NRP1: variants seen among roughly 807,000 people sequenced by gnomAD.
NRP1 encodes the protein neuropilin 1, also known as neuropilin-1.
Under a neutral mutation model 106.7 loss-of-function variants are expected in NRP1, and 35 were observed. The observed-to-expected ratio is 0.33, with a 90% CI of 0.25 to 0.43. NRP1 has a LOEUF of 0.43. Among genes scored for constraint, NRP1 ranks in the 20% least tolerant of loss-of-function variants. NRP1 has a pLI of 1.00. For synonymous variants in NRP1, 437 were observed against 417.9 expected, an observed-to-expected ratio of 1.05 and a Z score of -0.56; for missense variants, 1,024 against 1,170.4, an observed-to-expected ratio of 0.87 and a Z score of 1.83.
At chr10:33,305,456 T>C (rs1417437171) in intron 2 of NRP1, among the ~76,000 whole-genome samples, 1 of 152,146 alleles carries the variant, frequency 6.6e-6, no homozygotes, top group African/African-American at 2.4e-5. Context: ...ATCGTGATTA[T>C]GCATTACCTG....
At chr10:33,279,071 G>A (rs1398343198) in intron 2 of NRP1, among the ~76,000 whole-genome samples, 2 of 152,198 alleles carry the variant, frequency 1.3e-5, no homozygotes, top group African/African-American at 4.8e-5. Context: ...GGGAATATGA[G>A]AGCTGTCATG....
At chr10:33,295,634 A>G (rs933932463) in intron 2 of NRP1, among the ~76,000 whole-genome samples, 7 of 152,140 alleles carry the variant, frequency 4.6e-5, no homozygotes, top group Non-Finnish European at 1.0e-4. Flanking sequence ...ACTTGAGCCC[A>G]GGAGGTTGAG....
At position 33,280,877 on chromosome 10, in the gene NRP1, G is replaced by C. The variant is rs532749788; in HGVS notation, c.249-10021C>G. Among the ~76,000 whole-genome samples, 4 of 151,934 alleles carry C rather than the reference G, an allele frequency of 2.6e-5. 1 individual carries two copies. In the South Asian group the frequency reaches 8.3e-4, roughly 32 times the overall value. On this transcript the variant is annotated intron_variant, in intron 2 of 16. Coordinates refer to ENST00000374867, the MANE Select transcript of NRP1 (RefSeq NM_003873.7). ...CACGCCTGTAGTCCTAGCTACTTGC[G>C]GGGCTGAGGCAGGAGGATCACTTGA...
chr10:33,273,706 T>G (rs1188328076), intron 2 of NRP1, among the ~76,000 whole-genome samples: 1 of 151,838 alleles, frequency 6.6e-6, no homozygotes, highest in Non-Finnish European at 1.5e-5. Context: ...TTCCAGCCGC[T>G]GGATGAGAGC....
At chr10:33,226,043 A>C in intron 7 of NRP1, 91 bp downstream of exon 7, 1 of 1,394,748 alleles carries the variant, frequency 7.2e-7, no homozygotes, top group Non-Finnish European at 1.0e-6. Context: ...AAAATAAACC[A>C]GGCCAGACAG....
intron 2 of NRP1, among the ~76,000 whole-genome samples, chr10:33,322,033 G>A (rs763882315): frequency 6.6e-6 from 1 of 152,288 alleles, no homozygotes; most frequent in Non-Finnish European, 1.5e-5. Flanking sequence ...CAGAGCCACC[G>A]TGGCAAATGC....
At chr10:33,311,529 A>G (rs1180299635) in intron 2 of NRP1, among the ~76,000 whole-genome samples, 1 of 152,222 alleles carries the variant, frequency 6.6e-6, no homozygotes, top group South Asian at 2.1e-4. Flanking sequence ...TCACTGATCT[A>G]TCACTGTCTC....
At chr10:33,300,539 C>T (rs1029998800) in intron 2 of NRP1, among the ~76,000 whole-genome samples, 5 of 152,074 alleles carry the variant, frequency 3.3e-5, no homozygotes, top group Non-Finnish European at 5.9e-5. Flanking sequence ...CATCTCAACC[C>T]CCAATGCTGG....
intron 4 of NRP1, among the ~76,000 whole-genome samples, chr10:33,257,410 G>A (rs1374406910): frequency 1.3e-5 from 2 of 152,214 alleles, no homozygotes; most frequent in African/African-American, 4.8e-5. Context: ...GCTGAGGTGG[G>A]TGGATCACTT....
At chr10:33,252,703 T>C (rs1841951931) in intron 6 of NRP1, among the ~76,000 whole-genome samples, 1 of 151,970 alleles carries the variant, frequency 6.6e-6, no homozygotes, top group Non-Finnish European at 1.5e-5. Flanking sequence ...TTTGGGGATG[T>C]GGGAAAACAA....
chr10:33,200,218 A>G (rs1837171848), intron 11 of NRP1, among the ~76,000 whole-genome samples: 1 of 152,184 alleles, frequency 6.6e-6, no homozygotes, highest in Non-Finnish European at 1.5e-5. Context: ...CAGTTTTGCT[A>G]TAGTTTGGGA....
chr10:33,318,467 A>G (rs144221310), intron 2 of NRP1, among the ~76,000 whole-genome samples: 5 of 152,266 alleles, frequency 3.3e-5, no homozygotes, highest in African/African-American at 1.2e-4. Context: ...TAACAGACAC[A>G]TCAGTTTGCT....
intron 8 of NRP1, among the ~76,000 whole-genome samples, chr10:33,214,832 G>A (rs1267383148): frequency 6.6e-6 from 1 of 152,172 alleles, no homozygotes; most frequent in Non-Finnish European, 1.5e-5. Context: ...GGGAGAGTTA[G>A]TGTTTCATGG....
intron 2 of NRP1, among the ~76,000 whole-genome samples, chr10:33,280,657 A>T (rs1588910505): frequency 6.6e-6 from 1 of 152,148 alleles, no homozygotes; most frequent in Non-Finnish European, 1.5e-5. Context: ...TTAAGTCCTT[A>T]TATCCTTACT....
intron 2 of NRP1, among the ~76,000 whole-genome samples, chr10:33,313,697 A>G (rs1846780278): frequency 6.6e-6 from 1 of 152,150 alleles, no homozygotes; most frequent in Non-Finnish European, 1.5e-5. Context: ...TTAGAGCTCA[A>G]GTGATTCCTA....
intron 6 of NRP1, among the ~76,000 whole-genome samples, chr10:33,232,480 G>A (rs995846124): frequency 5.3e-5 from 8 of 152,046 alleles, no homozygotes; most frequent in Admixed American, 6.6e-5. Flanking sequence ...GGCAGGGATG[G>A]AATGGAACAT....
At chr10:33,230,096 T>G (rs897840219) in intron 6 of NRP1, among the ~76,000 whole-genome samples, 2 of 60,872 alleles carry the variant, frequency 3.3e-5, no homozygotes, top group South Asian at 1.1e-3. Flanking sequence ...CAGCACTTAG[T>G]GTGCAACCCT....
chr10:33,182,507 T>C (rs532122561), intron 16 of NRP1, among the ~76,000 whole-genome samples, 191 bp downstream of exon 16: 2 of 152,266 alleles, frequency 1.3e-5, no homozygotes, highest in South Asian at 2.1e-4. Flanking sequence ...CCAAGTCTTA[T>C]GGGCAGCTCG....
intron 7 of NRP1, 117 bp from the exon 8 acceptor site, chr10:33,221,980 T>C (rs549249717): frequency 3.7e-6 from 4 of 1,087,540 alleles, no homozygotes; most frequent in Non-Finnish European, 5.4e-6. Flanking sequence ...CGATCAAGGA[T>C]GAGATGGCGT....
Sources: gnomAD v4.1 joint callset for allele counts (sites outside exome capture counted in the v4.1 genomes callset) on GRCh38, gnomAD v4.1.1 for gene constraint, MANE v1.5 for transcripts, NCBI Gene and HGNC (gene_info 2026-07-23, HGNC 2026-07-21) for gene names.